Variants in CDH1 observed in about 807,000 individuals in gnomAD.
The protein encoded by CDH1 is cadherin-1.
CDH1 carries 35 observed loss-of-function variants against 84.5 expected under a neutral mutation model. That is an observed-to-expected ratio of 0.41 (90% CI 0.32 to 0.55). CDH1 has a LOEUF of 0.55. Among genes scored for constraint, CDH1 ranks in the 20% least tolerant of loss-of-function variants. CDH1 has a pLI of 0.19. For missense variants in CDH1, 994 were observed against 1,126.6 expected (o/e 0.88, Z 1.68); for synonymous variants, 417 against 439.0 (o/e 0.95, Z 0.63).
intron 13 of CDH1, among the ~76,000 whole-genome samples, chr16:68,824,240 A>G (rs961696414): frequency 1.3e-5 from 2 of 151,362 alleles, no homozygotes; most frequent in Non-Finnish European, 3.0e-5. Context: ...CAGGTGATCC[A>G]CCCGCCTCAG....
chr16:68,808,777 A>C lies in CDH1; in HGVS notation c.616A>C (p.Ile206Leu), dbSNP rs1004655282. The C allele has an allele frequency of 1.2e-6, 2 of 1,614,008 alleles. No homozygotes were observed. The highest frequency in any genetic ancestry group is 1.7e-6 in the Non-Finnish European group (2 of 1,180,010). The change falls in exon 5 of 16, where the codon ATT (isoleucine) becomes CTT (leucine). Residue 206 changes from isoleucine to leucine, a missense_variant. By Grantham distance (5) the Ile-to-Leu change is conservative. Coordinates refer to ENST00000261769, the MANE Select transcript of CDH1 (RefSeq NM_004360.5). ...GADTPPVGVF[I>L]IERETGWLKV... Reference sequence around the variant, plus strand: ...TGACACACCCCCTGTTGGTGTCTTTATTATTGAAAGAGAAACAGGATGGCT... The same window carrying C: ...TGACACACCCCCTGTTGGTGTCTTTCTTATTGAAAGAGAAACAGGATGGCT...
chr16:68,815,507 C>A lies in CDH1; in HGVS notation c.1321-8C>A, dbSNP rs2152134657. 1 of 1,614,124 alleles carries A rather than the reference C, an allele frequency of 6.2e-7. No individual in the cohort carries two copies. Among genetic ancestry groups the A allele is most frequent in the Non-Finnish European group, 8.5e-7 (1 of 1,180,024 alleles). On this transcript the variant is annotated splice_region_variant and splice_polypyrimidine_tract_variant and intron_variant, in intron 9 of 15. Coordinates refer to ENST00000261769, the MANE Select transcript of CDH1 (RefSeq NM_004360.5). ...TTTGTTTTTAACTTCATTGTTTCTG[C>A]TCTCTAGGGCTTGGATTTTGAGGCC... is the stretch of plus-strand genomic sequence containing the variant.
chr16:68,823,992 CTTTTT>C lies in CDH1; in HGVS notation c.2164+384_2164+388del, dbSNP rs889358029. On this transcript the variant is annotated intron_variant, in intron 13 of 15. Transcript: ENST00000261769. Reference sequence around the variant, plus strand: ...GCATAGGGCCACAGATTCTGCATTTCTTTTTTTTTTTTTTTTTTTTTTGAGATGGA... The same window carrying C: ...GCATAGGGCCACAGATTCTGCATTTCTTTTTTTTTTTTTTTTTGAGATGGA... Among the ~76,000 whole-genome samples the C allele has an allele frequency of 8.0e-4, 80 of 99,916 alleles. 1 individual carries two copies. The highest frequency in any genetic ancestry group is 1.8e-3 in the African/African-American group (42 of 23,918). 65.5% of individuals were successfully genotyped at this position (99,916 alleles called of 152,430 possible).
chr16:68,797,601 G>A (rs1485446284), intron 2 of CDH1, among the ~76,000 whole-genome samples: 1 of 151,764 alleles, frequency 6.6e-6, no homozygotes, highest in African/African-American at 2.4e-5. Context: ...GATTGCTTGA[G>A]CCCCGAAAGC....
intron 2 of CDH1, among the ~76,000 whole-genome samples, chr16:68,794,209 T>C (rs1040273615): frequency 2.6e-5 from 4 of 151,858 alleles, no homozygotes; most frequent in African/African-American, 9.7e-5. Context: ...ATTTTTGACT[T>C]TTTGAGTTTT....
rs116320624 is a variant in CDH1, at chr16:68,807,450, G to A, written c.388-974G>A. 8.7e-3 allele frequency among the ~76,000 whole-genome samples: 1,325 copies of A among 152,116 alleles called. 21 individuals are homozygous for A. The highest frequency in any genetic ancestry group is 0.03 in the African/African-American group (1,230 of 41,502). ...ATTGGGAAGCCAAAGCAGGAGAATC[G>A]CTTGAGCCCAGGAGTTCGAGACCAG... On this transcript the variant is annotated intron_variant, in intron 3 of 15. Transcript: ENST00000261769.
intron 2 of CDH1, among the ~76,000 whole-genome samples, chr16:68,768,735 T>G (rs532545783): frequency 6.6e-6 from 1 of 152,274 alleles, no homozygotes; most frequent in Admixed American, 6.5e-5. Flanking sequence ...AGTCACTATC[T>G]AGATATCACC....
intron 5 of CDH1, 33 bp downstream of exon 5, chr16:68,808,881 G>C: frequency 6.2e-7 from 1 of 1,610,846 alleles, no homozygotes; most frequent in Non-Finnish European, 8.5e-7. Flanking sequence ...TTGACACCGG[G>C]GTAACATCCA....
At chr16:68,749,192 G>A (rs1309497307) in intron 2 of CDH1, among the ~76,000 whole-genome samples, 1 of 152,200 alleles carries the variant, frequency 6.6e-6, no homozygotes, top group Non-Finnish European at 1.5e-5. Context: ...TTCTAAACAA[G>A]AAGTAATGCC....
intron 2 of CDH1, among the ~76,000 whole-genome samples, chr16:68,778,422 C>T (rs1375935220): frequency 1.3e-5 from 2 of 152,170 alleles, no homozygotes; most frequent in African/African-American, 2.4e-5. Flanking sequence ...CAACAGGGAA[C>T]AAATCATCAT....
At chr16:68,821,820 C>A (rs1315057948) in intron 11 of CDH1, among the ~76,000 whole-genome samples, 181 bp from the exon 12 acceptor site, 2 of 152,084 alleles carry the variant, frequency 1.3e-5, no homozygotes, top group African/African-American at 4.8e-5. Flanking sequence ...CGGCCAGAGA[C>A]CTGCCCACCT....
chr16:68,769,979 CTTTTTTTTTT>C (rs34018552), intron 2 of CDH1, among the ~76,000 whole-genome samples: 24 of 125,240 alleles, frequency 1.9e-4, no homozygotes, highest in Admixed American at 3.3e-4. Flanking sequence ...CCGCAGCTGG[CTTTTTTTTTT>C]TTTTTTTTAA....
At chr16:68,793,710 G>A (rs1960273689) in intron 2 of CDH1, among the ~76,000 whole-genome samples, 1 of 152,190 alleles carries the variant, frequency 6.6e-6, no homozygotes. Flanking sequence ...TGACCAAGAG[G>A]TGAAACCTCG....
chr16:68,808,890 C>T (rs1447934671), intron 5 of CDH1, 42 bp downstream of exon 5: 1 of 1,607,538 alleles, frequency 6.2e-7, no homozygotes. Flanking sequence ...GGGTAACATC[C>T]ACCCAGGATT....
At chr16:68,801,278 AT>A (rs941448745) in intron 2 of CDH1, among the ~76,000 whole-genome samples, 2 of 150,874 alleles carry the variant, frequency 1.3e-5, no homozygotes, top group Non-Finnish European at 3.0e-5. Context: ...AACCTGGCTA[AT>A]TTTTTTTTGT....
At chr16:68,775,744 G>A (rs1482338685) in intron 2 of CDH1, among the ~76,000 whole-genome samples, 1 of 152,206 alleles carries the variant, frequency 6.6e-6, no homozygotes, top group African/African-American at 2.4e-5. Context: ...GTATCAGCAT[G>A]TTGCTCTCCA....
At chr16:68,816,092 A>G (rs1249389296) in intron 10 of CDH1, among the ~76,000 whole-genome samples, 1 of 152,140 alleles carries the variant, frequency 6.6e-6, no homozygotes, top group East Asian at 1.9e-4. Flanking sequence ...ATCTCTGCCT[A>G]CTGCAGCCTC....
intron 2 of CDH1, among the ~76,000 whole-genome samples, chr16:68,786,361 A>G (rs1597874002): frequency 6.6e-6 from 1 of 151,546 alleles, no homozygotes; most frequent in Admixed American, 6.6e-5. Context: ...TAGTAGAGAC[A>G]GGGTTTCACC....
intron 2 of CDH1, among the ~76,000 whole-genome samples, chr16:68,775,305 A>G (rs1019604511): frequency 6.6e-6 from 1 of 152,168 alleles, no homozygotes; most frequent in East Asian, 1.9e-4. Flanking sequence ...CCTGAACCAC[A>G]ATGCCATTAT....
Sources: allele counts gnomAD v4.1 joint callset (sites outside exome capture counted in the v4.1 genomes callset), GRCh38; gene constraint gnomAD v4.1.1; transcripts MANE v1.5; gene names NCBI Gene and HGNC (gene_info 2026-07-23, HGNC 2026-07-21).